CRPPA: variants seen among roughly 807,000 people sequenced by gnomAD.
CRPPA encodes the protein CDP-L-ribitol pyrophosphorylase A.
In CRPPA, 43 loss-of-function variants were observed where a neutral mutation model predicts 52.0. The ratio of observed to expected loss-of-function variants is 0.83; its 90% CI spans 0.65 to 1.07. The LOEUF (loss-of-function observed/expected upper bound fraction) is 1.07, where lower values mean the gene tolerates loss of function less well. Ranked by LOEUF, CRPPA falls within the 50% of genes least tolerant of loss-of-function variation. The pLI is 0.00. For missense variants in CRPPA, 629 were observed against 551.7 expected (o/e 1.14, Z -1.40); for synonymous variants, 250 against 203.5 (o/e 1.23, Z -1.94).
intron 9 of CRPPA, among the ~76,000 whole-genome samples, chr7:16,095,631 G>C (rs568881817): frequency 1.9e-3 from 293 of 152,224 alleles, no homozygotes; most frequent in Middle Eastern, 3.4e-3. Context: ...CTTGAAAGAA[G>C]AGCCTCCTAA....
At position 16,160,245 on chromosome 7, in the gene CRPPA, C is replaced by T. The variant is rs146033263; in HGVS notation, c.1251+55821G>A. ...TTTAGTCATGAAGTCTCTGCCTATGCCTATGTCCTGAATAGTACTGCCTAG... is the reference window on the plus strand; with the variant it reads ...TTTAGTCATGAAGTCTCTGCCTATGTCTATGTCCTGAATAGTACTGCCTAG... On this transcript the variant is annotated intron_variant, in intron 9 of 9. Transcript: ENST00000407010. Among the ~76,000 whole-genome samples, 330 of 152,256 alleles carry T rather than the reference C, an allele frequency of 2.2e-3. 11 individuals carry two copies. In the East Asian group the frequency reaches 0.047, roughly 22 times the overall value.
chr7:16,142,148 C>A lies in CRPPA; in HGVS notation c.1252-50349G>T, dbSNP rs1310343547. 2.0e-5 allele frequency among the ~76,000 whole-genome samples: 3 copies of A among 152,116 alleles called. No homozygotes were observed. The East Asian group carries it at 5.8e-4, about 29-fold the overall frequency. On this transcript the variant is annotated intron_variant, in intron 9 of 9. Coordinates refer to ENST00000407010, the MANE Select transcript of CRPPA (RefSeq NM_001101426.4). ...TATAAAGGGGCATCTAAGAGCTCTG[C>A]CACAGATACGGACTGGCTTCTACAT...
At position 16,258,155 on chromosome 7, in the gene CRPPA, TG is replaced by T. The variant is rs148775606; in HGVS notation, c.1119+234del. Among the ~76,000 whole-genome samples the T allele has an allele frequency of 2.8e-3, 431 of 152,204 alleles. 2 individuals carry two copies. Among genetic ancestry groups the T allele is most frequent in the African/African-American group, 9.8e-3 (406 of 41,540 alleles). ...TTAGTGAAGGAAAAAAATATGAAAT[TG>T]GTTGCTGGGTTGAAAAAGATTTCCA... On this transcript the variant is annotated intron_variant, in intron 8 of 9. Transcript: ENST00000407010.
chr7:16,236,231 T>C (rs750473074), intron 8 of CRPPA, among the ~76,000 whole-genome samples: 1 of 152,076 alleles, frequency 6.6e-6, no homozygotes, highest in African/African-American at 2.4e-5. Context: ...ATTCTCGAAG[T>C]GGAAATACTA....
In CRPPA at chr7:16,256,900, TTAAAGTA is replaced by T. The variant is rs1783656707; in HGVS notation, c.1119+1483_1119+1489del. Among the ~76,000 whole-genome samples, 3 of 152,090 alleles carry T rather than the reference TTAAAGTA, an allele frequency of 2.0e-5. No individual in the cohort carries two copies. In the South Asian group the frequency reaches 6.2e-4, roughly 32 times the overall value. On this transcript the variant is annotated intron_variant, in intron 8 of 9. Transcript: ENST00000407010. ...ACATTGTGCACATGTACCCCAGAAC[TTAAAGTA>T]TAATTTTAAAAAAATGTTGGGAAAT...
At position 16,227,130 on chromosome 7, in the gene CRPPA, C is replaced by G. The variant is rs182870395; in HGVS notation, c.1120-10933G>C. 5.0e-4 allele frequency among the ~76,000 whole-genome samples: 76 copies of G among 151,974 alleles called. 1 individual carries two copies. Among genetic ancestry groups the G allele is most frequent in the African/African-American group, 1.8e-3 (74 of 41,544 alleles). ...TGTGTTTGTATCACATTTTCTTTAT[C>G]TATCCATTTGTGGACACTTAGGTTG... is the stretch of plus-strand genomic sequence containing the variant. On this transcript the variant is annotated intron_variant, in intron 8 of 9. Transcript: ENST00000407010.
rs1026587581 is a variant in CRPPA, at chr7:16,224,578, T to A, written c.1120-8381A>T. On this transcript the variant is annotated intron_variant, in intron 8 of 9. Transcript: ENST00000407010. ...ACTTCTTATTATGAGTTAGAAAGAA[T>A]TGGTAGATAAACCAGAGAGATTCTT... Among the ~76,000 whole-genome samples, 11 of 152,122 alleles carry A rather than the reference T, an allele frequency of 7.2e-5. No homozygotes were observed. In the South Asian group the frequency reaches 1.2e-3, roughly 17 times the overall value.
chr7:16,118,762 T>C (rs1333071629), intron 9 of CRPPA, among the ~76,000 whole-genome samples: 1 of 152,190 alleles, frequency 6.6e-6, no homozygotes, highest in Non-Finnish European at 1.5e-5. Context: ...TCTGAAGAAG[T>C]TGGCTAAGGA....
chr7:16,325,729 C>G (rs117469778), intron 3 of CRPPA, among the ~76,000 whole-genome samples: 44 of 152,168 alleles, frequency 2.9e-4, no homozygotes, highest in South Asian at 1.0e-3. Flanking sequence ...AATGGCTCAT[C>G]ATCTGCTTGA....
intron 8 of CRPPA, among the ~76,000 whole-genome samples, chr7:16,255,562 C>A (rs1405097380): frequency 6.6e-6 from 1 of 152,148 alleles, no homozygotes; most frequent in Non-Finnish European, 1.5e-5. Flanking sequence ...CTACAGTAAC[C>A]AAAACAGCAT....
At chr7:16,160,175 A>G (rs1783273093) in intron 9 of CRPPA, among the ~76,000 whole-genome samples, 2 of 152,086 alleles carry the variant, frequency 1.3e-5, no homozygotes, top group South Asian at 4.1e-4. Context: ...GTTTAATTAG[A>G]TCCCATTTGT....
intron 9 of CRPPA, among the ~76,000 whole-genome samples, chr7:16,129,075 T>C (rs1782634538): frequency 6.6e-6 from 1 of 152,142 alleles, no homozygotes; most frequent in African/African-American, 2.4e-5. Context: ...CAATTTTAAT[T>C]AGTATTATCA....
chr7:16,407,752 A>G (rs1787988783), intron 1 of CRPPA, among the ~76,000 whole-genome samples: 1 of 152,182 alleles, frequency 6.6e-6, no homozygotes, highest in Admixed American at 6.5e-5. Context: ...GAGCTACTTT[A>G]TAGGTGATAC....
At chr7:16,353,223 A>T (rs1350255630) in intron 3 of CRPPA, among the ~76,000 whole-genome samples, 1 of 152,016 alleles carries the variant, frequency 6.6e-6, no homozygotes, top group Non-Finnish European at 1.5e-5. Flanking sequence ...GCATGGTGGC[A>T]CTGCCTGTGG....
At chr7:16,341,273 T>C (rs894913034) in intron 3 of CRPPA, among the ~76,000 whole-genome samples, 1 of 151,832 alleles carries the variant, frequency 6.6e-6, no homozygotes, top group East Asian at 1.9e-4. Flanking sequence ...TGTATCAATG[T>C]AAGTTCAATG....
At chr7:16,309,658 G>A (rs957945726) in intron 3 of CRPPA, among the ~76,000 whole-genome samples, 8 of 151,820 alleles carry the variant, frequency 5.3e-5, no homozygotes, top group African/African-American at 1.7e-4. Context: ...TCCCAGACTG[G>A]AGCCACCATG....
chr7:16,203,566 C>A (rs566982937), intron 9 of CRPPA, among the ~76,000 whole-genome samples: 2 of 152,046 alleles, frequency 1.3e-5, no homozygotes, highest in African/African-American at 2.4e-5. Flanking sequence ...CTTGATATTA[C>A]TTAGAAAACC....
intron 3 of CRPPA, among the ~76,000 whole-genome samples, chr7:16,310,402 G>C (rs1201961937): frequency 6.6e-6 from 1 of 152,060 alleles, no homozygotes; most frequent in Non-Finnish European, 1.5e-5. Context: ...AGTCTAACCA[G>C]TCCCCAGCTA....
chr7:16,111,395 C>T (rs916673912), intron 9 of CRPPA, among the ~76,000 whole-genome samples: 9 of 152,096 alleles, frequency 5.9e-5, no homozygotes, highest in African/African-American at 1.9e-4. Context: ...AGAAATACCA[C>T]GTAATTCTGA....
Sources: allele counts gnomAD v4.1 joint callset (sites outside exome capture counted in the v4.1 genomes callset), GRCh38; gene constraint gnomAD v4.1.1; transcripts MANE v1.5; gene names NCBI Gene and HGNC (gene_info 2026-07-23, HGNC 2026-07-21).